MS4A1: variants seen among roughly 807,000 people sequenced by gnomAD.
MS4A1 encodes the protein membrane spanning 4-domains A1.
In MS4A1, 16 loss-of-function variants were observed where a neutral mutation model predicts 26.5. The observed-to-expected ratio is 0.60, with a 90% CI of 0.41 to 0.92. MS4A1 has a LOEUF of 0.92. Ranked by LOEUF, MS4A1 falls within the 40% of genes least tolerant of loss-of-function variation. The probability of loss-of-function intolerance (pLI) is 0.00; values close to 1 mark genes in which losing one functional copy is unlikely to be tolerated. For missense variants in MS4A1, 350 were observed against 353.0 expected, an observed-to-expected ratio of 0.99 and a Z score of 0.07; for synonymous variants, 128 against 117.6, an observed-to-expected ratio of 1.09 and a Z score of -0.57.
intron 5 of MS4A1, 96 bp downstream of exon 5, chr11:60,464,440 C>A: frequency 9.6e-7 from 1 of 1,038,254 alleles, no homozygotes; most frequent in Non-Finnish European, 1.5e-6. Flanking sequence ...GGTATCACAG[C>A]CTCTCAGCCC....
chr11:60,462,791 A>T (rs562185217), intron 3 of MS4A1, among the ~76,000 whole-genome samples: 12 of 152,190 alleles, frequency 7.9e-5, no homozygotes, highest in Non-Finnish European at 1.3e-4. Context: ...GTCCATTGCC[A>T]GAATCCCAGG....
At chr11:60,465,809 T>C (rs771212358) in intron 5 of MS4A1, 112 bp from the exon 6 acceptor site, 35 of 798,772 alleles carry the variant, frequency 4.4e-5, no homozygotes, top group Non-Finnish European at 6.8e-5. Context: ...CTTCAGTATA[T>C]TTAGTTGTAG....
intron 7 of MS4A1, among the ~76,000 whole-genome samples, chr11:60,467,683 G>GCTGA (rs10683646): frequency 0.59 from 89,804 of 150,998 alleles, 27,012 homozygotes; most frequent in African/African-American, 0.68. Flanking sequence ...AAGGTTGAAG[G>GCTGA]CTAAGTCACT....
intron 1 of MS4A1, among the ~76,000 whole-genome samples, chr11:60,460,255 C>A (rs980578102): frequency 6.6e-6 from 1 of 151,980 alleles, no homozygotes; most frequent in African/African-American, 2.4e-5. Context: ...TGAAAACAAA[C>A]AAACAAACAA....
At chr11:60,466,516 A>G (rs1803611175) in intron 6 of MS4A1, 1 of 337,998 alleles carries the variant, frequency 3.0e-6, no homozygotes, top group African/African-American at 2.1e-5. Flanking sequence ...ATGAGCATAG[A>G]AGAAATTCCT....
rs759812513 is a variant in MS4A1 at position 60,462,252 on chromosome 11, A to G, written c.-123A>G. 8.7e-6 allele frequency: 9 copies of G among 1,038,154 alleles called. No individual in the cohort carries two copies. Among genetic ancestry groups the G allele is most frequent in the Middle Eastern group, 2.0e-4 (1 of 5,060 alleles). The allele number at this position is 1,038,154 out of a possible 1,614,324, so 64.3% of individuals were successfully genotyped here. A position where few individuals can be genotyped will look rare whatever the true frequency, so the allele number is the denominator to read the frequency against. On this transcript the variant is annotated 5_prime_UTR_variant, in exon 3 of 8. Coordinates refer to ENST00000345732, the MANE Select transcript of MS4A1 (RefSeq NM_152866.3). ...AGAGGCCATGTCTACCCTCAATGAC[A>G]CTCATGGAGGAAATGCTGAGAGAAG...
chr11:60,464,192 TG>T, intron 4 of MS4A1, 95 bp from the exon 5 acceptor site: 1 of 867,210 alleles, frequency 1.2e-6, no homozygotes, highest in Non-Finnish European at 1.9e-6. Flanking sequence ...GGCTTCTTTC[TG>T]ACCAGTTATC....
At chr11:60,460,511 G>A (rs545207296) in intron 1 of MS4A1, among the ~76,000 whole-genome samples, 1 of 152,262 alleles carries the variant, frequency 6.6e-6, no homozygotes, top group Non-Finnish European at 1.5e-5. Context: ...TATACTTCAG[G>A]CTGTGGTCTA....
Position 60,466,116 on chromosome 11 carries a change from C to A in MS4A1, c.532C>A (p.Pro178Thr). Residue 178 changes from proline to threonine, a missense_variant, in exon 6 of 8, where the codon CCA (proline) becomes ACA (threonine). Physicochemically the swap from Pro to Thr is conservative, Grantham distance 38. Coordinates refer to ENST00000345732, the MANE Select transcript of MS4A1 (RefSeq NM_152866.3). ...EPANPSEKNS[P>T]STQYCYSIQS... ...AGCTAATCCCTCTGAGAAAAACTCCCCATCTACCCAATACTGTTACAGCAT... is the reference window on the plus strand; with the variant it reads ...AGCTAATCCCTCTGAGAAAAACTCCACATCTACCCAATACTGTTACAGCAT... The A allele has an allele frequency of 1.9e-6, 3 of 1,613,302 alleles. No individual in the cohort carries two copies. The highest frequency in any genetic ancestry group is 2.5e-6 in the Non-Finnish European group (3 of 1,179,314).
chr11:60,462,687 GTGC>G (rs1263227794), intron 3 of MS4A1, among the ~76,000 whole-genome samples, 154 bp downstream of exon 3: 1 of 152,164 alleles, frequency 6.6e-6, no homozygotes, highest in Non-Finnish European at 1.5e-5. Flanking sequence ...CAAATCAGGG[GTGC>G]ATCAGAGAAG....
At position 60,468,358 on chromosome 11, in the gene MS4A1, A is replaced by T. The variant is rs777874424; in HGVS notation, c.784A>T (p.Ile262Phe). 2 of 1,614,146 alleles carry T rather than the reference A, an allele frequency of 1.2e-6. No homozygotes were observed. Among genetic ancestry groups the T allele is most frequent in the South Asian group, 2.2e-5 (2 of 91,076 alleles). ...TSSQPKNEED[I>F]EIIPIQEEEE... Reference sequence around the variant, plus strand: ...TTCCCAACCAAAGAATGAAGAAGACATTGAAATTATTCCAATCCAAGAAGA... The same window carrying T: ...TTCCCAACCAAAGAATGAAGAAGACTTTGAAATTATTCCAATCCAAGAAGA... Residue 262 changes from isoleucine (I) to phenylalanine (F), a missense_variant, in exon 8 of 8, where the codon ATT becomes TTT. Transcript: ENST00000345732.
intron 5 of MS4A1, among the ~76,000 whole-genome samples, chr11:60,464,978 A>G (rs1277877222): frequency 6.6e-6 from 1 of 152,214 alleles, no homozygotes; most frequent in East Asian, 1.9e-4. Context: ...CTCCCAAAAA[A>G]TTCCTCCCCC....
At chr11:60,462,562 G>T (rs202143152) in intron 3 of MS4A1, 29 bp downstream of exon 3, 1 of 1,613,776 alleles carries the variant, frequency 6.2e-7, no homozygotes, top group Non-Finnish European at 8.5e-7. Flanking sequence ...ATCCCATGTC[G>T]TAGGGATTCT....
chr11:60,459,461 T>C (rs369479374), intron 1 of MS4A1, among the ~76,000 whole-genome samples: 64 of 152,306 alleles, frequency 4.2e-4, no homozygotes, highest in African/African-American at 1.4e-3. Context: ...CCATGGTGAG[T>C]GCCTTCTAGC....
intron 7 of MS4A1, among the ~76,000 whole-genome samples, chr11:60,467,583 A>G (rs2086304865): frequency 6.6e-6 from 1 of 151,914 alleles, no homozygotes; most frequent in Non-Finnish European, 1.5e-5. Flanking sequence ...ACCTCTGTGC[A>G]TCTTCTTATT....
chr11:60,467,011 C>A lies in MS4A1; in HGVS notation c.626C>A (p.Ala209Asp). Reference protein sequence around the residue: ...IFAFFQELVIAGIVENEWKRT... With the variant: ...IFAFFQELVIDGIVENEWKRT... ...GCCTTCTTCCAGGAACTTGTAATAG[C>A]TGGCATCGTTGAGAATGAATGGAAA... The change falls in exon 7 of 8, where the codon GCT (alanine) becomes GAT (aspartate). Residue 209 changes from alanine to aspartate, a missense_variant. By Grantham distance (126) the Ala-to-Asp change is moderately radical. Transcript: ENST00000345732. 6.2e-7 allele frequency: 1 copy of A among 1,614,130 alleles called. No individual in the cohort carries two copies. Among genetic ancestry groups the A allele is most frequent in the Non-Finnish European group, 8.5e-7 (1 of 1,180,014 alleles).
At chr11:60,456,563 T>C (rs529249954) in intron 1 of MS4A1, among the ~76,000 whole-genome samples, 3 of 152,268 alleles carry the variant, frequency 2.0e-5, no homozygotes, top group African/African-American at 7.2e-5. Context: ...AAATCCTGCC[T>C]CAAATCTATC....
chr11:60,457,057 G>A (rs749497151), intron 1 of MS4A1, among the ~76,000 whole-genome samples: 6 of 152,310 alleles, frequency 3.9e-5, no homozygotes, highest in Middle Eastern at 3.4e-3. Context: ...AGGATTCTCC[G>A]AAGAAAGTAG....
rs1227505226 is a variant in MS4A1, at chr11:60,462,214, A to G, written c.-161A>G. The stretch of plus-strand genomic sequence containing the variant: ...CAGCAGTAGGCCTTGCCTCAGATCC[A>G]AGGTCACTCGGAAGAGGCCATGTCT... On this transcript the variant is annotated 5_prime_UTR_variant, in exon 3 of 8. Transcript: ENST00000345732. 2.5e-6 allele frequency: 2 copies of G among 797,056 alleles called. No homozygotes were observed. 49.4% of individuals were successfully genotyped at this position (797,056 alleles called of 1,614,324 possible).
Sources: allele counts gnomAD v4.1 joint callset (sites outside exome capture counted in the v4.1 genomes callset), GRCh38; gene constraint gnomAD v4.1.1; transcripts MANE v1.5; gene names NCBI Gene and HGNC (gene_info 2026-07-23, HGNC 2026-07-21).